Variants in SPTBN5 observed in about 807,000 individuals in gnomAD.
SPTBN5 encodes spectrin beta, non-erythrocytic 5.
Under a neutral mutation model 477.6 loss-of-function variants are expected in SPTBN5, and 513 were observed. The ratio of observed to expected loss-of-function variants is 1.07; its 90% CI spans 1.00 to 1.16. The LOEUF (loss-of-function observed/expected upper bound fraction) is 1.16. SPTBN5 is among the 50% of genes most tolerant of loss of function. The probability of loss-of-function intolerance (pLI) is 0.00; values close to 1 mark genes in which losing one functional copy is unlikely to be tolerated. For missense variants in SPTBN5, 5,062 were observed against 4,731.8 expected, an observed-to-expected ratio of 1.07 and a Z score of -2.05; for synonymous variants, 2,169 against 2,011.7, an observed-to-expected ratio of 1.08 and a Z score of -2.09.
chr15:41,863,673 G>A, intron 41 of SPTBN5, 31 bp downstream of exon 41: 3 of 1,573,242 alleles, frequency 1.9e-6, no homozygotes, highest in African/African-American at 1.3e-5. Flanking sequence ...TTTGCTCACA[G>A]CCCCCACCGG....
rs531502044 is a variant in SPTBN5 at position 41,878,544 on chromosome 15, G to A, written c.3268C>T (p.Gln1090Ter). The A allele has an allele frequency of 2.5e-6, 4 of 1,612,962 alleles. No individual in the cohort carries two copies. The East Asian group carries it at 8.9e-5, about 36-fold the overall frequency. The stretch of plus-strand genomic sequence containing the variant: ...TGGCGCCGGGCCCGTTGGGCCACTT[G>A]TTCCTGTACTTGCTTCAGCAGCCCC... ...LQGLLKQVQE[Q>*]VAQRARRQAE... Residue 1090 changes from glutamine (Q) to a stop codon, truncating the protein, a stop_gained, in exon 17 of 68, where the codon CAA becomes TAA. Coordinates refer to ENST00000320955, the MANE Select transcript of SPTBN5 (RefSeq NM_016642.4). LOFTEE classifies it high-confidence loss of function.
At chr15:41,893,643 G>A (rs2067382892) in intron 1 of SPTBN5, 97 bp from the exon 2 acceptor site, 7 of 1,397,728 alleles carry the variant, frequency 5.0e-6, no homozygotes, top group Admixed American at 5.5e-5. Flanking sequence ...CACATTTCAT[G>A]GGGGTTGCAG....
chr15:41,870,364 G>C lies in SPTBN5; in HGVS notation c.5563-11C>G. ...GCTCGTGGCTTTCTCCTGAGGAAGG[G>C]AGAATGCCGAGGAGATGAGGGATGG... On this transcript the variant is annotated splice_polypyrimidine_tract_variant and intron_variant, in intron 30 of 67. Coordinates refer to ENST00000320955, the MANE Select transcript of SPTBN5 (RefSeq NM_016642.4). 6.3e-7 allele frequency: 1 copy of C among 1,586,048 alleles called. No individual in the cohort carries two copies. The highest frequency in any genetic ancestry group is 8.6e-7 in the Non-Finnish European group (1 of 1,166,386).
intron 47 of SPTBN5, among the ~76,000 whole-genome samples, chr15:41,859,902 GCTCT>G (rs778001294): frequency 4.6e-5 from 7 of 152,328 alleles, no homozygotes; most frequent in South Asian, 2.1e-4. Flanking sequence ...TCTCTGATCG[GCTCT>G]CTGAGAAGGA....
chr15:41,860,425 C>T (rs939019010), intron 47 of SPTBN5, among the ~76,000 whole-genome samples, 161 bp downstream of exon 47: 1 of 152,246 alleles, frequency 6.6e-6, no homozygotes, highest in African/African-American at 2.4e-5. Context: ...AGACACATTG[C>T]AGGGCCAGGG....
At position 41,856,596 on chromosome 15, in the gene SPTBN5, G is replaced by A; in HGVS notation, c.8811C>T (p.Asn2937=). The A allele has an allele frequency of 6.3e-7, 1 of 1,582,588 alleles. No homozygotes were observed. The highest frequency in any genetic ancestry group is 8.5e-7 in the Non-Finnish European group (1 of 1,170,392). Residue 2937 remains asparagine (N), a splice_region_variant and synonymous_variant, in exon 53 of 68, where the codon AAC becomes AAT. Transcript: ENST00000320955. ...AVRHLQEQHQ[N]LESEMSSHEA... The stretch of plus-strand genomic sequence containing the variant: ...CGTGGCTGCTCATCTCACTCTCCAG[G>A]TTCTGCGGGGGAGGAGGCAGGAGGA...
Position 41,867,531 on chromosome 15 carries a change from C to T in SPTBN5, c.6312+7G>A. 6.2e-7 allele frequency: 1 copy of T among 1,613,374 alleles called. No individual in the cohort carries two copies. Among genetic ancestry groups the T allele is most frequent in the Admixed American group, 1.7e-5 (1 of 59,998 alleles). On this transcript the variant is annotated splice_region_variant and intron_variant, in intron 35 of 67. Transcript: ENST00000320955. Reference sequence around the variant, plus strand: ...CTGACCACGCCCAGGCCTCCTGACTCCATTACCTTCTTGTCCTGGGCAGTC... The same window carrying T: ...CTGACCACGCCCAGGCCTCCTGACTTCATTACCTTCTTGTCCTGGGCAGTC...
At chr15:41,877,437 C>G in intron 17 of SPTBN5, 81 bp from the exon 18 acceptor site, 2 of 1,510,904 alleles carry the variant, frequency 1.3e-6, no homozygotes, top group Non-Finnish European at 1.8e-6. Context: ...CCAGGGTTCA[C>G]GCATCTTGGA....
chr15:41,885,754 A>C lies in SPTBN5; in HGVS notation c.1501T>G (p.Trp501Gly). 2 of 1,557,168 alleles carry C rather than the reference A, an allele frequency of 1.3e-6. No homozygotes were observed. Among genetic ancestry groups the C allele is most frequent in the Non-Finnish European group, 1.7e-6 (2 of 1,150,564 alleles). The stretch of plus-strand genomic sequence containing the variant: ...GCTCACCTGCGGGCCACATCTGCCC[A>C]GCTGTGGTACTGCTCCTGCCGGAGG... ...DILRQEQYHS[W>G]ADVARRQEEV... Residue 501 changes from tryptophan (W) to glycine (G), a missense_variant, in exon 7 of 68, where the codon TGG becomes GGG. Transcript: ENST00000320955.
Position 41,872,385 on chromosome 15 carries a change from G to C in SPTBN5, c.5082C>G (p.Gly1694=). Residue 1694 remains glycine (G), a synonymous_variant, in exon 27 of 68, where the codon GGC becomes GGG. Transcript: ENST00000320955. ...ELDQTAQTLT[G]PEVPEQQRVV... The stretch of plus-strand genomic sequence containing the variant: ...CACGCTGCTGCTCAGGGACTTCGGG[G>C]CCAGTGAGGGTTTGGGCCGTCTGGT... 4 of 1,608,280 alleles carry C rather than the reference G, an allele frequency of 2.5e-6. No individual in the cohort carries two copies. The highest frequency in any genetic ancestry group is 3.4e-6 in the Non-Finnish European group (4 of 1,178,024).
rs2066533044 is a variant in SPTBN5 at position 41,871,449 on chromosome 15, C to A, written c.5373G>T (p.Arg1791=). 4.5e-6 allele frequency: 7 copies of A among 1,540,922 alleles called. No individual in the cohort carries two copies. Among genetic ancestry groups the A allele is most frequent in the Non-Finnish European group, 6.1e-6 (7 of 1,142,150 alleles). The change falls in exon 29 of 68, where the codon CGG becomes CGT. Residue 1791 remains arginine (R), a synonymous_variant. Transcript: ENST00000320955. ...GCTCTAGCAGGCTCTCCGCCAGCAG[C>A]CGGCAGGCGGCCACCCGCTGGCTGC... ...EMGSQRVAAC[R]LLAESLLERG... is the part of the protein sequence containing the mutation.
At chr15:41,859,355 C>G (rs2066026003) in intron 47 of SPTBN5, among the ~76,000 whole-genome samples, 1 of 152,098 alleles carries the variant, frequency 6.6e-6, no homozygotes, top group Non-Finnish European at 1.5e-5. Context: ...GGCAGGGTTT[C>G]CCCATGTTGG....
chr15:41,885,173 G>A (rs748738202), intron 7 of SPTBN5, among the ~76,000 whole-genome samples: 6 of 152,042 alleles, frequency 3.9e-5, no homozygotes, highest in African/African-American at 1.4e-4. Context: ...ACAGGCGCCC[G>A]CCACCACGCC....
rs28626380 is a variant in SPTBN5, at chr15:41,851,471, G to A, written c.10657-102C>T. 1.3e-3 allele frequency: 1,168 copies of A among 894,802 alleles called. 11 individuals carry two copies. In the African/African-American group the frequency reaches 0.018, roughly 13 times the overall value. 55.4% of individuals were successfully genotyped at this position (894,802 alleles called of 1,614,324 possible). A position where few individuals can be genotyped will look rare whatever the true frequency, so the allele number is the denominator to read the frequency against. Reference sequence around the variant, plus strand: ...GTGTGTGGAGCTTCCCAGGAAAAGCGGTGGATTGGACCAAAGTCCCAATGG... The same window carrying A: ...GTGTGTGGAGCTTCCCAGGAAAAGCAGTGGATTGGACCAAAGTCCCAATGG... On this transcript the variant is annotated intron_variant, in intron 63 of 67. Coordinates refer to ENST00000320955, the MANE Select transcript of SPTBN5 (RefSeq NM_016642.4).
rs750933932 is a variant in SPTBN5 at position 41,856,617 on chromosome 15, G to C, written c.8809-19C>G. ...CCAGGTTCTGCGGGGGAGGAGGCAG[G>C]AGGATGCGGATGTTGCTGACCCTTG... On this transcript the variant is annotated intron_variant, in intron 52 of 67. Coordinates refer to ENST00000320955, the MANE Select transcript of SPTBN5 (RefSeq NM_016642.4). 9 of 1,556,480 alleles carry C rather than the reference G, an allele frequency of 5.8e-6. No individual in the cohort carries two copies. In the African/African-American group the frequency reaches 1.2e-4, roughly 21 times the overall value.
In SPTBN5 at chr15:41,862,268, G is replaced by A; in HGVS notation, c.7410C>T (p.His2470=). 2.5e-6 allele frequency: 4 copies of A among 1,607,672 alleles called. No homozygotes were observed. The highest frequency in any genetic ancestry group is 3.4e-6 in the Non-Finnish European group (4 of 1,176,970). Residue 2470 remains histidine (H), a synonymous_variant, in exon 44 of 68, where the codon CAC becomes CAT. Coordinates refer to ENST00000320955, the MANE Select transcript of SPTBN5 (RefSeq NM_016642.4). ...QKRREALDAL[H]QAQKLQAMLQ... Reference sequence around the variant, plus strand: ...GCATTGCCTGGAGTTTCTGAGCTTGGTGCAAGGCATCCAGCGCCTCCCTCC... The same window carrying A: ...GCATTGCCTGGAGTTTCTGAGCTTGATGCAAGGCATCCAGCGCCTCCCTCC...
chr15:41,850,790 G>A (rs2065726428), intron 66 of SPTBN5, 64 bp downstream of exon 66: 2 of 1,409,290 alleles, frequency 1.4e-6, no homozygotes, highest in South Asian at 1.3e-5. Context: ...AAAACACTAG[G>A]GGCCCAGGAG....
At position 41,874,859 on chromosome 15, in the gene SPTBN5, G is replaced by T; in HGVS notation, c.4485C>A (p.Thr1495=). The stretch of plus-strand genomic sequence containing the variant: ...GACCCCACCTCCGGAGGTGCTTCTG[G>T]GTCTCTTCCAGGATGGCCGGGGAGG... The part of the protein sequence containing the change: ...MAASPAILEE[T]QKHLRRLELL... The change falls in exon 23 of 68, where the codon ACC becomes ACA. Residue 1495 remains threonine (T), a synonymous_variant. Transcript: ENST00000320955. 2 of 1,607,006 alleles carry T rather than the reference G, an allele frequency of 1.2e-6. No homozygotes were observed. The highest frequency in any genetic ancestry group is 8.5e-7 in the Non-Finnish European group (1 of 1,175,418).
intron 21 of SPTBN5, 109 bp downstream of exon 21, chr15:41,876,005 G>C (rs1269623433): frequency 7.3e-7 from 1 of 1,377,392 alleles, no homozygotes; most frequent in Non-Finnish European, 9.8e-7. Flanking sequence ...CTAGGTTCAC[G>C]CTGAGGCTGA....
Sources: allele counts gnomAD v4.1 joint callset (sites outside exome capture counted in the v4.1 genomes callset), GRCh38; gene constraint gnomAD v4.1.1; transcripts MANE v1.5; gene names NCBI Gene and HGNC (gene_info 2026-07-23, HGNC 2026-07-21).